Variants in ZNF578 observed in about 807,000 individuals in gnomAD.
The protein encoded by ZNF578 is zinc finger protein 578.
ZNF578 carries 8 observed loss-of-function variants against 8.3 expected under a neutral mutation model. The ratio of observed to expected loss-of-function variants is 0.96; its 90% CI spans 0.56 to 1.74. The LOEUF (loss-of-function observed/expected upper bound fraction) is 1.74. Among genes scored for constraint, ZNF578 ranks in the 40% most tolerant of loss-of-function variants. The pLI, the probability that ZNF578 is intolerant of heterozygous loss-of-function variation, is 0.00. For missense variants in ZNF578, 726 were observed against 707.5 expected, an observed-to-expected ratio of 1.03 and a Z score of -0.30; for synonymous variants, 206 against 232.2, an observed-to-expected ratio of 0.89 and a Z score of 1.03.
chr19:52,492,731 T>A (rs554093301), intron 3 of ZNF578: 1 of 152,120 alleles, frequency 6.6e-6, no homozygotes, highest in African/African-American at 2.4e-5. Flanking sequence ...GCAAGGTCTC[T>A]CCGCCTCGCG....
Position 52,491,332 on chromosome 19 carries a change from TC to T in ZNF578, c.-111del. 3.8e-6 allele frequency: 1 copy of T among 263,122 alleles called. No homozygotes were observed. Among genetic ancestry groups the T allele is most frequent in the Non-Finnish European group, 7.8e-6 (1 of 127,984 alleles). The allele number at this position is 263,122 out of a possible 1,614,324, so 16.3% of individuals were successfully genotyped here. On this transcript the variant is annotated 5_prime_UTR_variant, in exon 3 of 6. An upstream open reading frame in the 5' UTR loses its in-frame stop. Coordinates refer to ENST00000421239, the MANE Select transcript of ZNF578 (RefSeq NM_001099694.2). Reference sequence around the variant, plus strand: ...GTGTTTATATTTTGTAGATATCTCTTCCAAATGCATGATGAAAAAGGTGGGA... The same window carrying T: ...GTGTTTATATTTTGTAGATATCTCTTCAAATGCATGATGAAAAAGGTGGGA...
chr19:52,472,662 G>T lies in ZNF578; in HGVS notation c.-122+15704G>T, dbSNP rs553961503. Among the ~76,000 whole-genome samples the T allele has an allele frequency of 3.9e-5, 6 of 152,172 alleles. No homozygotes were observed. The South Asian group carries it at 1.2e-3, about 32-fold the overall frequency. On this transcript the variant is annotated intron_variant, in intron 2 of 5. Coordinates refer to ENST00000421239, the MANE Select transcript of ZNF578 (RefSeq NM_001099694.2). ...GCATGCTCTATTTTGAGGTTATTTG[G>T]TAGAGCATAGAAGCACTAAGCCATT... is the stretch of plus-strand genomic sequence containing the variant.
At chr19:52,508,206 G>A (rs371722408) in intron 5 of ZNF578, among the ~76,000 whole-genome samples, 1 of 151,934 alleles carries the variant, frequency 6.6e-6, no homozygotes, top group African/African-American at 2.4e-5. Context: ...TTTTCTGTGC[G>A]TGGTGGTGCA....
chr19:52,501,499 C>T (rs7247176), intron 3 of ZNF578, among the ~76,000 whole-genome samples: 29,019 of 152,098 alleles, frequency 0.19, 2,989 homozygotes, highest in Non-Finnish European at 0.23. Flanking sequence ...AGCCTGTGAT[C>T]CACAGAGAGG....
chr19:52,467,351 A>T (rs6509643), intron 2 of ZNF578, among the ~76,000 whole-genome samples: 134,567 of 151,762 alleles, frequency 0.89, 60,423 homozygotes, highest in Non-Finnish European at 0.96. Flanking sequence ...TAACTTGTTG[A>T]GCCCGGGAGG....
intron 3 of ZNF578, among the ~76,000 whole-genome samples, chr19:52,498,648 G>C (rs2059395732): frequency 6.8e-6 from 1 of 147,436 alleles, no homozygotes; most frequent in Non-Finnish European, 1.5e-5. Context: ...CTGCCAAAAT[G>C]ATGGGATTAC....
chr19:52,456,471 C>T (rs2059240056), intron 1 of ZNF578: 1 of 152,328 alleles, frequency 6.6e-6, no homozygotes, highest in South Asian at 2.1e-4. Context: ...GGTGCTGTGT[C>T]TTCCATTTCT....
At chr19:52,506,099 C>T (rs2059424702) in intron 5 of ZNF578, among the ~76,000 whole-genome samples, 1 of 152,046 alleles carries the variant, frequency 6.6e-6, no homozygotes, top group African/African-American at 2.4e-5. Flanking sequence ...GCAGTTTCAC[C>T]ATGTTGGCTA....
In ZNF578 at chr19:52,514,962, CTTTTTTTTT is replaced by C. The variant is rs35788845; in HGVS notation, c.*2818_*2826del. ...AGGCATGAGCTACCACGTCGAGACT[CTTTTTTTTT>C]TTTTTTTTTAGATGGAGTTTTGCTT... is the stretch of plus-strand genomic sequence containing the variant. On this transcript the variant is annotated 3_prime_UTR_variant, in exon 6 of 6. Coordinates refer to ENST00000421239, the MANE Select transcript of ZNF578 (RefSeq NM_001099694.2). 1.6e-5 allele frequency among the ~76,000 whole-genome samples: 2 copies of C among 122,926 alleles called. No homozygotes were observed. The highest frequency in any genetic ancestry group is 6.2e-5 in the African/African-American group (2 of 32,202). 80.6% of individuals were successfully genotyped at this position (122,926 alleles called of 152,430 possible).
rs143260889 is a variant in ZNF578 at position 52,501,051 on chromosome 19, G to A, written c.-19-776G>A. Among the ~76,000 whole-genome samples the A allele has an allele frequency of 1.1e-3, 169 of 152,046 alleles. 2 individuals are homozygous for A. In the East Asian group the frequency reaches 0.027, roughly 25 times the overall value. ...CCGCTACCATGCCCAGCTAATTTTT[G>A]TACTTTTAGTAGAGAAAGCATTTCG... is the stretch of plus-strand genomic sequence containing the variant. On this transcript the variant is annotated intron_variant, in intron 3 of 5. Transcript: ENST00000421239.
chr19:52,466,607 A>G (rs574412289), intron 2 of ZNF578, among the ~76,000 whole-genome samples: 7 of 152,210 alleles, frequency 4.6e-5, no homozygotes, highest in Admixed American at 2.6e-4. Flanking sequence ...TGTTCCATAC[A>G]TGCTGAAATG....
At chr19:52,492,394 C>T (rs983129897) in intron 3 of ZNF578, among the ~76,000 whole-genome samples, 4 of 152,122 alleles carry the variant, frequency 2.6e-5, no homozygotes, top group African/African-American at 7.2e-5. Context: ...CACTCAGTCC[C>T]GCATCCCAGG....
At chr19:52,496,735 T>A (rs1370171093) in intron 3 of ZNF578, among the ~76,000 whole-genome samples, 1 of 151,734 alleles carries the variant, frequency 6.6e-6, no homozygotes, top group African/African-American at 2.4e-5. Flanking sequence ...CCTCTGGGGT[T>A]CATGTGATTC....
chr19:52,500,828 G>T (rs1401026775), intron 3 of ZNF578, among the ~76,000 whole-genome samples: 1 of 150,620 alleles, frequency 6.6e-6, no homozygotes, highest in Admixed American at 6.6e-5. Context: ...TAGTGATTTT[G>T]GGCCCCAAGA....
intron 2 of ZNF578, among the ~76,000 whole-genome samples, chr19:52,487,870 G>C (rs568143070): frequency 3.3e-5 from 5 of 151,710 alleles, no homozygotes; most frequent in African/African-American, 1.2e-4. Flanking sequence ...ATCCTGGGCT[G>C]AAAGGATCCT....
At chr19:52,476,887 G>A (rs187618454) in intron 2 of ZNF578, among the ~76,000 whole-genome samples, 1 of 152,288 alleles carries the variant, frequency 6.6e-6, no homozygotes, top group East Asian at 1.9e-4. Context: ...TATTACACAG[G>A]TAGGTCTATT....
chr19:52,500,979 A>T (rs572166444), intron 3 of ZNF578, among the ~76,000 whole-genome samples: 9 of 151,424 alleles, frequency 5.9e-5, no homozygotes, highest in African/African-American at 2.2e-4. Flanking sequence ...CCTGGCTTCA[A>T]GCAATTCTCC....
At chr19:52,510,174 GT>G (rs893335939) in intron 5 of ZNF578, among the ~76,000 whole-genome samples, 91 of 145,136 alleles carry the variant, frequency 6.3e-4, no homozygotes, top group African/African-American at 1.6e-3. Context: ...ATTGTGTGGT[GT>G]TTTTTTTTTG....
At chr19:52,465,848 A>ATCCGTCGGCCC (rs1272847530) in intron 2 of ZNF578, among the ~76,000 whole-genome samples, 2 of 152,240 alleles carry the variant, frequency 1.3e-5, no homozygotes, top group African/African-American at 4.8e-5. Context: ...GGAGTCCTCC[A>ATCCGTCGGCCC]TCCGTCGGCC....
Sources: allele counts gnomAD v4.1 joint callset (sites outside exome capture counted in the v4.1 genomes callset), GRCh38; gene constraint gnomAD v4.1.1; transcripts MANE v1.5; gene names NCBI Gene and HGNC (gene_info 2026-07-23, HGNC 2026-07-21).